The following RAD51B variants were observed in gnomAD, a reference collection of about 807,000 sequenced individuals.
The protein encoded by RAD51B is RAD51 paralog B.
RAD51B carries 38 observed loss-of-function variants against 42.2 expected under a neutral mutation model. That is an observed-to-expected ratio of 0.90 (90% CI 0.70 to 1.18). The LOEUF is 1.18. RAD51B is among the 50% of genes most tolerant of loss of function. The pLI is 0.00. For missense variants in RAD51B, 373 were observed against 400.7 expected (o/e 0.93, Z 0.59); for synonymous variants, 154 against 145.2 (o/e 1.06, Z -0.43).
intron 10 of RAD51B, among the ~76,000 whole-genome samples, chr14:68,554,922 C>T (rs1888757574): frequency 6.6e-6 from 1 of 151,000 alleles, no homozygotes; most frequent in Admixed American, 6.6e-5. Context: ...AATCTCAGCT[C>T]ACTGCAACCT....
intron 1 of RAD51B, among the ~76,000 whole-genome samples, chr14:67,820,747 G>A (rs1003139271): frequency 2.6e-5 from 4 of 152,134 alleles, no homozygotes; most frequent in Non-Finnish European, 5.9e-5. Flanking sequence ...CTGGAGGGCA[G>A]ATCATGTGAG....
intron 7 of RAD51B, among the ~76,000 whole-genome samples, chr14:68,019,380 A>G (rs2075827270): frequency 1.3e-5 from 2 of 152,186 alleles, no homozygotes; most frequent in African/African-American, 4.8e-5. Context: ...TTATTTCCCA[A>G]TTTCTGTATA....
At chr14:68,516,771 T>C (rs999674297) in intron 10 of RAD51B, among the ~76,000 whole-genome samples, 18 of 152,240 alleles carry the variant, frequency 1.2e-4, no homozygotes, top group Non-Finnish European at 4.4e-5. Flanking sequence ...AAAATATTGC[T>C]TCACTAAGTC....
At chr14:68,003,123 T>C (rs2075518044) in intron 7 of RAD51B, among the ~76,000 whole-genome samples, 1 of 152,206 alleles carries the variant, frequency 6.6e-6, no homozygotes, top group South Asian at 2.1e-4. Flanking sequence ...TTGGACAGTA[T>C]GGTCATTTAC....
At chr14:68,579,303 G>A (rs974254505) in intron 10 of RAD51B, among the ~76,000 whole-genome samples, 2 of 152,100 alleles carry the variant, frequency 1.3e-5, no homozygotes, top group Non-Finnish European at 2.9e-5. Flanking sequence ...CCAGAGGAGG[G>A]ACTTCTTAAC....
Position 68,518,376 on chromosome 14 carries a change from C to T in RAD51B, c.1036+50126C>T, listed in dbSNP as rs140329196. Among the ~76,000 whole-genome samples the T allele has an allele frequency of 2.7e-4, 41 of 152,274 alleles. No individual in the cohort carries two copies. In the South Asian group the frequency reaches 3.5e-3, roughly 13 times the overall value. On this transcript the variant is annotated intron_variant, in intron 10 of 10. Coordinates refer to the RAD51B transcript ENST00000487270. ...CTGTTCTGCCTGTGACTGCAGGCCC[C>T]GGTCTGCAGGCGGGAAACAACAGGC...
intron 7 of RAD51B, among the ~76,000 whole-genome samples, chr14:68,156,984 C>T (rs978170218): frequency 6.6e-6 from 1 of 152,042 alleles, no homozygotes; most frequent in African/African-American, 2.4e-5. Flanking sequence ...GATGCTTGAG[C>T]TCAGGAGTTC....
At chr14:68,076,129 A>C (rs954683645) in intron 7 of RAD51B, among the ~76,000 whole-genome samples, 15 of 152,232 alleles carry the variant, frequency 9.9e-5, no homozygotes, top group African/African-American at 3.6e-4. Context: ...GGAAATACTG[A>C]GGAGAGTATC....
chr14:68,370,878 C>CA (rs576419085), intron 8 of RAD51B, among the ~76,000 whole-genome samples: 30 of 148,492 alleles, frequency 2.0e-4, no homozygotes, highest in Admixed American at 1.1e-3. Context: ...ACTAAAAATA[C>CA]AAAAAAAAAT....
chr14:68,183,295 CA>C (rs1402740156), intron 7 of RAD51B, among the ~76,000 whole-genome samples: 3 of 152,122 alleles, frequency 2.0e-5, no homozygotes, highest in Non-Finnish European at 4.4e-5. Flanking sequence ...TGGTGTAAGT[CA>C]AGAGTCTAAA....
At chr14:68,196,570 A>G (rs1037948582) in intron 7 of RAD51B, among the ~76,000 whole-genome samples, 1 of 152,032 alleles carries the variant, frequency 6.6e-6, no homozygotes, top group African/African-American at 2.4e-5. Flanking sequence ...CTGTGTAAAA[A>G]TCACTCCTTT....
intron 9 of RAD51B, among the ~76,000 whole-genome samples, chr14:68,462,785 G>A (rs905408000): frequency 1.3e-5 from 2 of 152,204 alleles, no homozygotes; most frequent in African/African-American, 4.8e-5. Flanking sequence ...GGTCTGATAT[G>A]AAGGAAATAT....
At chr14:68,312,626 G>A (rs2081985260) in intron 8 of RAD51B, among the ~76,000 whole-genome samples, 1 of 152,080 alleles carries the variant, frequency 6.6e-6, no homozygotes, top group Non-Finnish European at 1.5e-5. Context: ...AAACTAAAAT[G>A]CCTTGTTTCA....
intron 7 of RAD51B, among the ~76,000 whole-genome samples, chr14:68,083,197 A>G (rs1348859574): frequency 6.6e-6 from 1 of 152,200 alleles, no homozygotes; most frequent in East Asian, 1.9e-4. Context: ...AAGATCTTAG[A>G]GTGAGAGGAG....
At chr14:68,172,429 A>T (rs2078891451) in intron 7 of RAD51B, among the ~76,000 whole-genome samples, 1 of 152,144 alleles carries the variant, frequency 6.6e-6, no homozygotes, top group Non-Finnish European at 1.5e-5. Flanking sequence ...TAATTTGGAG[A>T]ATAAGAAGGT....
chr14:68,227,032 AC>A lies in RAD51B; in HGVS notation c.757-64851del, dbSNP rs148833639. On this transcript the variant is annotated intron_variant, in intron 7 of 10. Coordinates refer to ENST00000471583, the MANE Select transcript of RAD51B (RefSeq NM_133510.4). ...ACTCTTCCAGGATTTTAAATTCAAA[AC>A]TCAAGTGTTTCAGTTAGTGAAGGAG... Among the ~76,000 whole-genome samples the A allele has an allele frequency of 3.2e-3, 486 of 152,310 alleles. 2 individuals carry two copies. Among genetic ancestry groups the A allele is most frequent in the African/African-American group, 0.011 (464 of 41,582 alleles).
chr14:68,221,593 A>G (rs1222205394), intron 7 of RAD51B, among the ~76,000 whole-genome samples: 1 of 152,246 alleles, frequency 6.6e-6, no homozygotes, highest in Non-Finnish European at 1.5e-5. Flanking sequence ...CTAGAAGATA[A>G]CATCAGAAAA....
chr14:68,557,107 CT>C (rs1251064211), intron 10 of RAD51B, among the ~76,000 whole-genome samples: 1 of 152,200 alleles, frequency 6.6e-6, no homozygotes, highest in Non-Finnish European at 1.5e-5. Flanking sequence ...CAGGAGAACA[CT>C]TTTTATAAAC....
intron 7 of RAD51B, among the ~76,000 whole-genome samples, chr14:67,986,763 G>T (rs1462141020): frequency 2.6e-5 from 4 of 152,192 alleles, no homozygotes; most frequent in Admixed American, 2.0e-4. Context: ...ATGGAGTTTC[G>T]CTCTGTTGCT....
Sources: allele counts gnomAD v4.1 joint callset (sites outside exome capture counted in the v4.1 genomes callset), GRCh38; gene constraint gnomAD v4.1.1; transcripts MANE v1.5; gene names NCBI Gene and HGNC (gene_info 2026-07-23, HGNC 2026-07-21).